The following OXR1 variants were observed in gnomAD, a reference collection of about 807,000 sequenced individuals.
OXR1 encodes the protein oxidation resistance protein 1.
Under a neutral mutation model 104.6 loss-of-function variants are expected in OXR1, and 41 were observed. The observed-to-expected ratio is 0.39, with a 90% confidence interval of 0.31 to 0.51. The LOEUF (loss-of-function observed/expected upper bound fraction) is 0.51, where lower values mean the gene tolerates loss of function less well. OXR1 is among the 20% of genes least tolerant of loss of function. The pLI, the probability that OXR1 is intolerant of heterozygous loss-of-function variation, is 0.77. For missense variants in OXR1, 955 were observed against 1,031.9 expected (o/e 0.93, Z 1.02); for synonymous variants, 348 against 348.4 (o/e 1.00, Z 0.01).
At chr8:106,679,950 G>A (rs140410148) in intron 4 of OXR1, among the ~76,000 whole-genome samples, 1 of 151,976 alleles carries the variant, frequency 6.6e-6, no homozygotes. Context: ...ACTTTTAACT[G>A]AGCTTAATTT....
At chr8:106,363,199 A>G (rs554330529) in intron 2 of OXR1, among the ~76,000 whole-genome samples, 42 of 152,340 alleles carry the variant, frequency 2.8e-4, no homozygotes, top group African/African-American at 9.9e-4. Context: ...GGGAAACAGT[A>G]TTGGTTAAAA....
At chr8:106,672,539 AAAAG>A (rs1336015497) in intron 3 of OXR1, among the ~76,000 whole-genome samples, 24 of 148,512 alleles carry the variant, frequency 1.6e-4, no homozygotes, top group South Asian at 8.9e-4. Context: ...AGAGAAAAGA[AAAAG>A]AAAAGAAAGA....
At chr8:106,353,678 G>A (rs1429182004) in intron 1 of OXR1, among the ~76,000 whole-genome samples, 1 of 151,694 alleles carries the variant, frequency 6.6e-6, no homozygotes, top group African/African-American at 2.4e-5. Context: ...ATACATTGTG[G>A]AATGGCTAAA....
At chr8:106,491,660 G>C (rs1811095051) in intron 2 of OXR1, among the ~76,000 whole-genome samples, 1 of 152,198 alleles carries the variant, frequency 6.6e-6, no homozygotes, top group Admixed American at 6.5e-5. Context: ...ATACACTTCT[G>C]CCGGGTGAGG....
intron 3 of OXR1, among the ~76,000 whole-genome samples, chr8:106,547,980 A>G (rs192267700): frequency 2.6e-5 from 4 of 152,260 alleles, no homozygotes; most frequent in African/African-American, 7.2e-5. Flanking sequence ...TCATTTGGGT[A>G]TATACCCAGA....
rs559974210 is a variant in OXR1, at chr8:106,324,509, A to G, written c.-138-34967A>G. ...CCTTCACATGTACCCCAAACCTAAA[A>G]TATTTTTTTTAAAGGAAAGGAGGTT... On this transcript the variant is annotated intron_variant, in intron 1 of 16. Transcript: ENST00000517566. 1.3e-4 allele frequency among the ~76,000 whole-genome samples: 20 copies of G among 151,542 alleles called. 1 individual carries two copies. In the South Asian group the frequency reaches 2.9e-3, roughly 22 times the overall value.
chr8:106,638,127 C>T (rs1823312401), intron 3 of OXR1, among the ~76,000 whole-genome samples: 2 of 152,116 alleles, frequency 1.3e-5, no homozygotes, highest in African/African-American at 4.8e-5. Context: ...GTTAGTCCCT[C>T]CTGCCAAGAA....
intron 15 of OXR1, among the ~76,000 whole-genome samples, chr8:106,743,722 A>G (rs930442199): frequency 6.6e-6 from 1 of 152,196 alleles, no homozygotes; most frequent in African/African-American, 2.4e-5. Flanking sequence ...CAGAAATACC[A>G]CTTGACCCAG....
chr8:106,551,108 G>A (rs531352907), intron 3 of OXR1, among the ~76,000 whole-genome samples: 9 of 152,226 alleles, frequency 5.9e-5, no homozygotes, highest in East Asian at 5.8e-4. Flanking sequence ...CTATTTAGGC[G>A]TTTAATTGGA....
intron 1 of OXR1, among the ~76,000 whole-genome samples, chr8:106,310,279 A>C (rs1433204038): frequency 6.7e-6 from 1 of 149,300 alleles, no homozygotes; most frequent in African/African-American, 2.5e-5. Context: ...TCAGAAATAT[A>C]AACAACTTCT....
At chr8:106,538,645 T>C (rs1391284794) in intron 3 of OXR1, among the ~76,000 whole-genome samples, 2 of 152,220 alleles carry the variant, frequency 1.3e-5, no homozygotes, top group Non-Finnish European at 2.9e-5. Context: ...TGAGCAACCT[T>C]TGTAATAATT....
chr8:106,495,540 G>T (rs1475631266), intron 2 of OXR1, among the ~76,000 whole-genome samples: 1 of 152,264 alleles, frequency 6.6e-6, no homozygotes, highest in South Asian at 2.1e-4. Flanking sequence ...AAAAGCAGAA[G>T]TTACTAGAAG....
Position 106,372,919 on chromosome 8 carries a change from T to C in OXR1, c.23+13283T>C, listed in dbSNP as rs1441706740. ...ATTATGTTTTTATAAATTGTGGAAA[T>C]TCAGAATATACAAGTCACCCTCGAT... On this transcript the variant is annotated intron_variant, in intron 2 of 16. Transcript: ENST00000517566. Among the ~76,000 whole-genome samples the C allele has an allele frequency of 2.0e-5, 3 of 152,300 alleles. No homozygotes were observed. In the South Asian group the frequency reaches 6.2e-4, roughly 32 times the overall value.
chr8:106,603,324 A>G (rs957138221), intron 3 of OXR1, among the ~76,000 whole-genome samples: 1 of 152,206 alleles, frequency 6.6e-6, no homozygotes, highest in Admixed American at 6.5e-5. Context: ...TTATATACAA[A>G]TCAGCTTTTT....
intron 7 of OXR1, among the ~76,000 whole-genome samples, chr8:106,700,230 T>C (rs1193993129): frequency 1.3e-5 from 2 of 152,190 alleles, no homozygotes; most frequent in African/African-American, 2.4e-5. Flanking sequence ...AATATAATCC[T>C]GATAATATGT....
intron 3 of OXR1, chr8:106,657,572 G>C (rs1266482181): frequency 6.5e-6 from 1 of 153,840 alleles, no homozygotes; most frequent in Non-Finnish European, 1.4e-5. Flanking sequence ...GGACGGGGCG[G>C]GGAGGGGCTG....
At chr8:106,704,436 T>C (rs990894964) in intron 8 of OXR1, among the ~76,000 whole-genome samples, 1 of 121,630 alleles carries the variant, frequency 8.2e-6, no homozygotes, top group Non-Finnish European at 1.6e-5. Flanking sequence ...AGATGGAGTC[T>C]CGCTCTATCA....
At chr8:106,647,543 TG>T (rs1317407938) in intron 3 of OXR1, among the ~76,000 whole-genome samples, 21 of 152,366 alleles carry the variant, frequency 1.4e-4, no homozygotes, top group Admixed American at 6.5e-4. Flanking sequence ...AATTTGTCTA[TG>T]AAGTTAAGCT....
chr8:106,408,849 CT>C (rs1219934682), intron 2 of OXR1, among the ~76,000 whole-genome samples: 1 of 152,106 alleles, frequency 6.6e-6, no homozygotes, highest in African/African-American at 2.4e-5. Flanking sequence ...GAGCTGCTTG[CT>C]TTTATTCAGT....
Sources: gnomAD v4.1 joint callset for allele counts (sites outside exome capture counted in the v4.1 genomes callset) on GRCh38, gnomAD v4.1.1 for gene constraint, MANE v1.5 for transcripts, NCBI Gene and HGNC (gene_info 2026-07-23, HGNC 2026-07-21) for gene names.